Variants in ITPR1 observed in about 807,000 individuals in gnomAD.
The protein encoded by ITPR1 is inositol 1,4,5-trisphosphate-gated calcium channel ITPR1.
A neutral mutation model predicts 318.4 loss-of-function variants in ITPR1; 96 were observed. That is an observed-to-expected ratio of 0.30 (90% confidence interval 0.26 to 0.36). The LOEUF is 0.36. Ranked by LOEUF, ITPR1 falls within the 10% of genes least tolerant of loss-of-function variation. ITPR1 has a pLI of 1.00. For synonymous variants in ITPR1, 1,312 were observed against 1,289.9 expected, an observed-to-expected ratio of 1.02 and a Z score of -0.37; for missense variants, 2,440 against 3,460.2, an observed-to-expected ratio of 0.71 and a Z score of 7.40.
rs1293215891 is a variant in ITPR1 at position 4,768,554 on chromosome 3, G to T, written c.5769G>T (p.Gln1923His). 1 of 1,613,806 alleles carries T rather than the reference G, an allele frequency of 6.2e-7. No individual in the cohort carries two copies. The highest frequency in any genetic ancestry group is 8.5e-7 in the Non-Finnish European group (1 of 1,179,816). Residue 1923 changes from glutamine (Q) to histidine (H), a missense_variant, in exon 46 of 62, where the codon CAG (glutamine) becomes CAT (histidine). By Grantham distance (24) the Gln-to-His change is conservative (BLOSUM62 0). Transcript: ENST00000649015. ...TTQITEEVRD[Q>H]LLEASAATRK... is the part of the protein sequence containing the mutation. Reference sequence around the variant, plus strand: ...AGATAACAGAAGAGGTCCGGGATCAGCTCCTGGAGGCCTCCGCTGCCACCA... The same window carrying T: ...AGATAACAGAAGAGGTCCGGGATCATCTCCTGGAGGCCTCCGCTGCCACCA...
At chr3:4,509,102 C>A (rs2081609201) in intron 2 of ITPR1, among the ~76,000 whole-genome samples, 1 of 152,100 alleles carries the variant, frequency 6.6e-6, no homozygotes, top group Middle Eastern at 3.2e-3. Flanking sequence ...ATTGTGTTGA[C>A]CACTTTATGT....
intron 4 of ITPR1, among the ~76,000 whole-genome samples, chr3:4,613,368 G>A (rs1401000095): frequency 6.6e-6 from 1 of 152,200 alleles, no homozygotes; most frequent in Non-Finnish European, 1.5e-5. Flanking sequence ...ATGGGAGGCT[G>A]GATTGCCCTA....
intron 7 of ITPR1, 83 bp from the exon 8 acceptor site, chr3:4,644,053 A>T: frequency 1.2e-6 from 1 of 845,978 alleles, no homozygotes; most frequent in Non-Finnish European, 2.0e-6. Context: ...GCACAGACTC[A>T]TATGTCTTCT....
rs898340619 is a variant in ITPR1, at chr3:4,779,291, A to G, written c.6292-259A>G. The stretch of plus-strand genomic sequence containing the variant: ...TCTAGGACTTGTACCAGCTAACATT[A>G]GGGCATAACACACATGCCCTGACAA... On this transcript the variant is annotated intron_variant, in intron 48 of 61. Transcript: ENST00000649015. This position sits in a 1 kb window ranked among gnomAD's most constrained non-coding sequence, Gnocchi z 4.0. Among the ~76,000 whole-genome samples the G allele has an allele frequency of 1.3e-5, 2 of 152,244 alleles. No homozygotes were observed. Among genetic ancestry groups the G allele is most frequent in the Admixed American group, 6.5e-5 (1 of 15,292 alleles).
rs2094158696 is a variant in ITPR1, at chr3:4,675,166, A to G, written c.2697A>G (p.Val899=). The change falls in exon 23 of 62, where the codon GTA becomes GTG. Residue 899 remains valine (V), a synonymous_variant. Coordinates refer to ENST00000649015, the MANE Select transcript of ITPR1 (RefSeq NM_001378452.1). The part of the protein sequence containing the change: ...TKILLAILDC[V]HVTTIFPISK... ...TCCTTCTGGCCATATTGGACTGTGTACATGTGACAACAATCTTCCCCATTA... is the reference window on the plus strand; with the variant it reads ...TCCTTCTGGCCATATTGGACTGTGTGCATGTGACAACAATCTTCCCCATTA... 1 of 1,611,512 alleles carries G rather than the reference A, an allele frequency of 6.2e-7. No homozygotes were observed. The highest frequency in any genetic ancestry group is 8.5e-7 in the Non-Finnish European group (1 of 1,178,134).
Position 4,493,429 on chromosome 3 carries a change from TGGA to T in ITPR1, c.-260_-258del. 1 of 154,128 alleles carries T rather than the reference TGGA, an allele frequency of 6.5e-6. No homozygotes were observed. Among genetic ancestry groups the T allele is most frequent in the Non-Finnish European group, 1.5e-5 (1 of 68,570 alleles). 9.5% of individuals were successfully genotyped at this position (154,128 alleles called of 1,614,324 possible). On this transcript the variant is annotated 5_prime_UTR_variant, in exon 1 of 62. Coordinates refer to ENST00000649015, the MANE Select transcript of ITPR1 (RefSeq NM_001378452.1). ...GGAGAGGAGGAGGAGGAGGTGGTGG[TGGA>T]GGAGGAGGCAGGGGGTGGAGAGAGA...
Position 4,553,092 on chromosome 3 carries a change from A to G in ITPR1, c.163+31998A>G, listed in dbSNP as rs373004823. ...ATGTTGAATGAGTGCACTATAAAGA[A>G]TAGATGAGGTGCTGTTTTAAAGTGC... On this transcript the variant is annotated intron_variant, in intron 4 of 61. Transcript: ENST00000649015. 2.6e-5 allele frequency among the ~76,000 whole-genome samples: 4 copies of G among 152,310 alleles called. 1 individual carries two copies. The highest frequency in any genetic ancestry group is 9.6e-5 in the African/African-American group (4 of 41,578).
intron 58 of ITPR1, 66 bp from the exon 59 acceptor site, chr3:4,814,987 C>T: frequency 1.5e-6 from 2 of 1,370,466 alleles, no homozygotes; most frequent in Middle Eastern, 3.7e-4. Context: ...TTGAGCTGTG[C>T]CCCAGGCTCC....
intron 37 of ITPR1, among the ~76,000 whole-genome samples, 171 bp downstream of exon 37, chr3:4,706,522 T>A (rs952458344): frequency 6.6e-6 from 1 of 152,200 alleles, no homozygotes; most frequent in Non-Finnish European, 1.5e-5. Context: ...GGAAGTTACT[T>A]AGGAATAGAA....
At chr3:4,573,441 C>A (rs1254680271) in intron 4 of ITPR1, among the ~76,000 whole-genome samples, 1 of 152,144 alleles carries the variant, frequency 6.6e-6, no homozygotes, top group Admixed American at 6.5e-5. Context: ...TCAATCCTTG[C>A]CCCCCTACAG....
At chr3:4,814,999 C>T in intron 58 of ITPR1, 54 bp from the exon 59 acceptor site, 3 of 1,484,640 alleles carry the variant, frequency 2.0e-6, no homozygotes, top group South Asian at 1.3e-5. Flanking sequence ...CCAGGCTCCG[C>T]AGACCAAAGG....
intron 4 of ITPR1, among the ~76,000 whole-genome samples, chr3:4,609,083 T>TATATATAC (rs1215524748): frequency 2.2e-4 from 20 of 92,362 alleles, no homozygotes; most frequent in Non-Finnish European, 4.0e-4. Context: ...TATATATATA[T>TATATATAC]ATATATACAC....
At chr3:4,785,255 C>G (rs1169475380) in intron 51 of ITPR1, among the ~76,000 whole-genome samples, 2 of 152,196 alleles carry the variant, frequency 1.3e-5, no homozygotes, top group African/African-American at 4.8e-5. Context: ...TCATCCTGAT[C>G]TGTCTGGTCC....
chr3:4,828,820 T>G (rs1310946720), intron 60 of ITPR1, among the ~76,000 whole-genome samples: 1 of 152,238 alleles, frequency 6.6e-6, no homozygotes, highest in African/African-American at 2.4e-5. Flanking sequence ...TAATGTGGCC[T>G]GTTTTGGTAA....
At chr3:4,518,294 C>T (rs1425789896) in intron 3 of ITPR1, among the ~76,000 whole-genome samples, 1 of 152,164 alleles carries the variant, frequency 6.6e-6, no homozygotes, top group East Asian at 1.9e-4. Context: ...GATCTTAGTA[C>T]CTTCTTTCTC....
chr3:4,782,240 G>A (rs984881057), intron 49 of ITPR1: 1 of 159,898 alleles, frequency 6.3e-6, no homozygotes, highest in Admixed American at 6.5e-5. Context: ...TAAAGGGCTG[G>A]GAGTGGGAAA....
chr3:4,765,663 GT>G (rs545395310), intron 44 of ITPR1, among the ~76,000 whole-genome samples: 3 of 150,282 alleles, frequency 2.0e-5, no homozygotes, highest in Non-Finnish European at 3.0e-5. Flanking sequence ...TGGGAGCTTT[GT>G]TTTTTTTTTC....
intron 12 of ITPR1, among the ~76,000 whole-genome samples, chr3:4,654,626 C>T (rs1015310653): frequency 6.6e-6 from 1 of 152,186 alleles, no homozygotes; most frequent in Admixed American, 6.5e-5. Context: ...CTGTGTCTGA[C>T]ATGTGTGTCT....
At chr3:4,799,768 T>C (rs2048106328) in intron 53 of ITPR1, 1 of 152,264 alleles carries the variant, frequency 6.6e-6, no homozygotes, top group East Asian at 1.9e-4. Context: ...AAAATTGGTA[T>C]AAGCTCTTTG....
Sources: gnomAD v4.1 joint callset for allele counts (sites outside exome capture counted in the v4.1 genomes callset) on GRCh38, gnomAD v4.1.1 for gene constraint, Gnocchi (gnomAD v3.1) non-coding constraint, MANE v1.5 for transcripts, NCBI Gene and HGNC (gene_info 2026-07-23, HGNC 2026-07-21) for gene names.